Variants in FAM180A observed in about 807,000 individuals in gnomAD.
The protein encoded by FAM180A is family with sequence similarity 180 member A, also known as protein FAM180A.
Under a neutral mutation model 15.3 loss-of-function variants are expected in FAM180A, and 14 were observed. The ratio of observed to expected loss-of-function variants is 0.92; its 90% CI spans 0.61 to 1.43. The LOEUF is 1.43. Ranked by LOEUF, FAM180A falls within the 40% of genes most tolerant of loss-of-function variation. The probability of loss-of-function intolerance (pLI) is 0.00; values close to 1 mark genes in which losing one functional copy is unlikely to be tolerated. For missense variants in FAM180A, 200 were observed against 220.8 expected (o/e 0.91, Z 0.60); for synonymous variants, 90 against 96.8 (o/e 0.93, Z 0.41).
intron 3 of FAM180A, 58 bp from the exon 4 acceptor site, chr7:135,730,339 T>C (rs1796763534): frequency 3.2e-6 from 2 of 631,354 alleles, no homozygotes; most frequent in South Asian, 1.4e-4. Context: ...GTCAGGAGTT[T>C]GAGACCAGCC....
intron 1 of FAM180A, 51 bp downstream of exon 1, chr7:135,748,454 G>T: frequency 6.8e-7 from 1 of 1,480,026 alleles, no homozygotes; most frequent in Non-Finnish European, 9.4e-7. Context: ...GAATTGCATT[G>T]AAGAAAGTAT....
chr7:135,735,856 G>C (rs4732140), intron 2 of FAM180A, among the ~76,000 whole-genome samples: 65,132 of 150,248 alleles, frequency 0.43, 14,069 homozygotes, highest in Middle Eastern at 0.59. Context: ...GTGCATGCCA[G>C]CATGGCCAGC....
At chr7:135,736,560 C>A (rs75024103) in intron 2 of FAM180A, among the ~76,000 whole-genome samples, 1 of 152,198 alleles carries the variant, frequency 6.6e-6, no homozygotes, top group South Asian at 2.1e-4. Flanking sequence ...TGGGCAGCCT[C>A]GGGAAATTGA....
At chr7:135,746,368 A>G (rs1423577930) in intron 1 of FAM180A, among the ~76,000 whole-genome samples, 1 of 152,160 alleles carries the variant, frequency 6.6e-6, no homozygotes, top group Non-Finnish European at 1.5e-5. Context: ...TTTCATCTAT[A>G]TTTTTGAATA....
chr7:135,732,108 G>A (rs548999170), intron 3 of FAM180A, among the ~76,000 whole-genome samples: 8 of 152,284 alleles, frequency 5.3e-5, no homozygotes, highest in East Asian at 3.9e-4. Context: ...CCTGGCTATC[G>A]TAGTTTGTAG....
chr7:135,735,615 G>A (rs1473515568), intron 2 of FAM180A, among the ~76,000 whole-genome samples: 1 of 152,212 alleles, frequency 6.6e-6, no homozygotes, highest in East Asian at 1.9e-4. Context: ...ACTAGGCAAA[G>A]ACTCTGCATT....
At chr7:135,746,660 CAA>C (rs1797036121) in intron 1 of FAM180A, among the ~76,000 whole-genome samples, 1 of 152,294 alleles carries the variant, frequency 6.6e-6, no homozygotes, top group Middle Eastern at 3.4e-3. Context: ...CCCAGTGTGA[CAA>C]AGAGGGGAGT....
intron 1 of FAM180A, 151 bp downstream of exon 1, chr7:135,748,354 A>G (rs571156138): frequency 1.5e-5 from 10 of 674,462 alleles, no homozygotes; most frequent in African/African-American, 1.1e-4. Context: ...CCCTCTAAGA[A>G]GGGGGAACAC....
intron 3 of FAM180A, among the ~76,000 whole-genome samples, chr7:135,731,770 A>C (rs3110819): frequency 6.6e-6 from 1 of 152,038 alleles, no homozygotes; most frequent in Non-Finnish European, 1.5e-5. Context: ...ACCTTCTTCC[A>C]GTGTCCTAGT....
chr7:135,748,450 C>T (rs1797062248), intron 1 of FAM180A, 55 bp downstream of exon 1: 2 of 1,438,574 alleles, frequency 1.4e-6, no homozygotes, highest in African/African-American at 1.4e-5. Flanking sequence ...TTTTGAATTG[C>T]ATTGAAGAAA....
Position 135,729,920 on chromosome 7 carries a change from G to T in FAM180A, c.*691C>A. ...AGAATTACAAGATGAGAAAGTTCCG[G>T]GGGTCTGTTTCACAACATGCATGGA... is the stretch of plus-strand genomic sequence containing the variant. On this transcript the variant is annotated 3_prime_UTR_variant, in exon 4 of 4. Coordinates refer to ENST00000338588, the MANE Select transcript of FAM180A (RefSeq NM_205855.4). 1 of 746,412 alleles carries T rather than the reference G, an allele frequency of 1.3e-6. No homozygotes were observed. Among genetic ancestry groups the T allele is most frequent in the Non-Finnish European group, 1.6e-6 (1 of 611,948 alleles). 46.2% of individuals were successfully genotyped at this position (746,412 alleles called of 1,614,324 possible).
chr7:135,747,985 C>T (rs1797054200), intron 1 of FAM180A, among the ~76,000 whole-genome samples: 1 of 152,152 alleles, frequency 6.6e-6, no homozygotes, highest in Non-Finnish European at 1.5e-5. Flanking sequence ...CTGGTGGGTG[C>T]AGTGGAGGTT....
rs531932709 is a variant in FAM180A, at chr7:135,748,617, C to T, written c.-37G>A. 68 of 1,513,906 alleles carry T rather than the reference C, an allele frequency of 4.5e-5. No individual in the cohort carries two copies. The highest frequency in any genetic ancestry group is 6.1e-5 in the Non-Finnish European group (66 of 1,088,942). The allele number at this position is 1,513,906 out of a possible 1,614,324, so 93.8% of individuals were successfully genotyped here. On this transcript the variant is annotated 5_prime_UTR_variant, in exon 1 of 4. Transcript: ENST00000338588. The stretch of plus-strand genomic sequence containing the variant: ...AAAGGTGAAAAATCGACCCTCAAGC[C>T]CAGTGGAACCCCAGTAGCTGCAGGT...
rs978386185 is a variant in FAM180A, at chr7:135,743,859, G to T, written c.76+4646C>A. ...CCACAGGAACACATTACCTGCCCTG[G>T]TCACTAAGCTCTATTCTTTTCAAAT... On this transcript the variant is annotated intron_variant, in intron 1 of 3. Coordinates refer to ENST00000338588, the MANE Select transcript of FAM180A (RefSeq NM_205855.4). Among the ~76,000 whole-genome samples the T allele has an allele frequency of 1.3e-4, 20 of 152,106 alleles. No homozygotes were observed. The East Asian group carries it at 3.5e-3, about 26-fold the overall frequency.
At chr7:135,747,845 A>G (rs1797052555) in intron 1 of FAM180A, among the ~76,000 whole-genome samples, 1 of 152,180 alleles carries the variant, frequency 6.6e-6, no homozygotes, top group Non-Finnish European at 1.5e-5. Flanking sequence ...TCTACCAAGC[A>G]GAGCCACTCC....
chr7:135,737,288 T>A, intron 1 of FAM180A, 89 bp from the exon 2 acceptor site: 1 of 1,082,746 alleles, frequency 9.2e-7, no homozygotes, highest in Non-Finnish European at 1.3e-6. Context: ...CAAGGAGTCT[T>A]AAAAACGGAC....
At chr7:135,747,048 C>A (rs993996218) in intron 1 of FAM180A, among the ~76,000 whole-genome samples, 4 of 152,122 alleles carry the variant, frequency 2.6e-5, no homozygotes, top group African/African-American at 9.7e-5. Flanking sequence ...TGCAGTGAAC[C>A]AAGATTGCAC....
intron 1 of FAM180A, among the ~76,000 whole-genome samples, chr7:135,746,564 T>C (rs987853725): frequency 6.6e-6 from 1 of 152,196 alleles, no homozygotes; most frequent in Non-Finnish European, 1.5e-5. Context: ...ACAAACCATA[T>C]TGCAAGTCAA....
chr7:135,732,798 T>C (rs1194838238), intron 3 of FAM180A, among the ~76,000 whole-genome samples: 2 of 152,074 alleles, frequency 1.3e-5, no homozygotes, highest in Non-Finnish European at 2.9e-5. Context: ...TTTGTATATA[T>C]AGTTTAAAAA....
Sources: gnomAD v4.1 joint callset for allele counts (sites outside exome capture counted in the v4.1 genomes callset) on GRCh38, gnomAD v4.1.1 for gene constraint, MANE v1.5 for transcripts, NCBI Gene and HGNC (gene_info 2026-07-23, HGNC 2026-07-21) for gene names.